ABL2: variants seen among roughly 807,000 people sequenced by gnomAD.
The protein encoded by ABL2 is ABL proto-oncogene 2, non-receptor tyrosine kinase.
ABL2 carries 49 observed loss-of-function variants against 107.7 expected under a neutral mutation model. That is an observed-to-expected ratio of 0.45 (90% CI 0.36 to 0.58). The LOEUF (loss-of-function observed/expected upper bound fraction) is 0.58, where lower values mean the gene tolerates loss of function less well. Ranked by LOEUF, ABL2 falls within the 20% of genes least tolerant of loss-of-function variation. ABL2 has a pLI of 0.00. For missense variants in ABL2, 1,245 were observed against 1,457.0 expected, an observed-to-expected ratio of 0.85 and a Z score of 2.37; for synonymous variants, 549 against 548.6, an observed-to-expected ratio of 1.00 and a Z score of -0.01.
Position 179,101,743 on chromosome 1 carries a change from A to T in ABL2, c.*5975T>A, listed in dbSNP as rs1653107084. 5.4e-6 allele frequency: 1 copy of T among 186,296 alleles called. No homozygotes were observed. The highest frequency in any genetic ancestry group is 8.5e-5 in the East Asian group (1 of 11,698). The allele number at this position is 186,296 out of a possible 1,614,324, so 11.5% of individuals were successfully genotyped here. ...GAGGTGGCATGAAAAGCAGAAATTC[A>T]TCCGTCTGCACATTGCAATAAACTT... On this transcript the variant is annotated 3_prime_UTR_variant, in exon 12 of 12. Transcript: ENST00000502732.
chr1:179,218,355 A>G (rs898188383), intron 1 of ABL2, among the ~76,000 whole-genome samples: 2 of 152,174 alleles, frequency 1.3e-5, no homozygotes, highest in African/African-American at 4.8e-5. Context: ...AGTACATTAC[A>G]TCCTGTTTTC....
chr1:179,229,170 G>GGCCCCCCCCCCCCCCC, intron 1 of ABL2, 71 bp downstream of exon 1: 5 of 266,252 alleles, frequency 1.9e-5, no homozygotes, highest in African/African-American at 3.0e-5. Context: ...CAGCCCGTCC[G>GGCCCCCCCCCCCCCCC]CCACCCACCC....
At chr1:179,164,026 T>A (rs1571228766) in intron 1 of ABL2, among the ~76,000 whole-genome samples, 1 of 152,148 alleles carries the variant, frequency 6.6e-6, no homozygotes, top group Admixed American at 6.6e-5. Flanking sequence ...AACACATCAG[T>A]GGCTGCCAGG....
chr1:179,144,310 A>T (rs1352550684), intron 1 of ABL2, among the ~76,000 whole-genome samples: 1 of 151,934 alleles, frequency 6.6e-6, no homozygotes, highest in Non-Finnish European at 1.5e-5. Flanking sequence ...AATACAAAAA[A>T]TTAGCCCGGC....
At chr1:179,225,246 T>C (rs996574289) in intron 1 of ABL2, among the ~76,000 whole-genome samples, 1 of 152,242 alleles carries the variant, frequency 6.6e-6, no homozygotes, top group Non-Finnish European at 1.5e-5. Flanking sequence ...AGAAAAGTCC[T>C]GGACTCTGAT....
intron 1 of ABL2, among the ~76,000 whole-genome samples, chr1:179,199,731 C>CTTT (rs55794608): frequency 1.1e-4 from 15 of 136,182 alleles, no homozygotes; most frequent in East Asian, 2.1e-4. Context: ...ACACTTTTTC[C>CTTT]TTTTTTTTTT....
intron 1 of ABL2, among the ~76,000 whole-genome samples, chr1:179,159,580 T>C (rs1224305140): frequency 6.6e-6 from 1 of 152,188 alleles, no homozygotes; most frequent in African/African-American, 2.4e-5. Flanking sequence ...TTTTGGTTGT[T>C]TTTGCAACTG....
In ABL2 at chr1:179,107,654, G is replaced by A. The variant is rs1472184055; in HGVS notation, c.*64C>T. ...TCATTTTCTGAAAACAAGAACACAG[G>A]AAAACAAGTCCTTTTCCCTCTCCCC... On this transcript the variant is annotated 3_prime_UTR_variant, in exon 12 of 12. Transcript: ENST00000502732. 12 of 1,525,212 alleles carry A rather than the reference G, an allele frequency of 7.9e-6. No homozygotes were observed. Among genetic ancestry groups the A allele is most frequent in the Non-Finnish European group, 1.1e-5 (12 of 1,138,170 alleles). 94.5% of individuals were successfully genotyped at this position (1,525,212 alleles called of 1,614,324 possible).
intron 1 of ABL2, among the ~76,000 whole-genome samples, chr1:179,135,343 C>T (rs9946572): frequency 2.6e-5 from 4 of 151,542 alleles, no homozygotes; most frequent in African/African-American, 4.9e-5. Flanking sequence ...TCTGCCCGGC[C>T]GCCCATTGTC....
intron 1 of ABL2, chr1:179,143,022 A>G (rs1274347331): frequency 6.2e-7 from 1 of 1,614,194 alleles, no homozygotes; most frequent in Non-Finnish European, 8.5e-7. Flanking sequence ...ATTAGGTGGA[A>G]GGAGAACTGT....
intron 1 of ABL2, chr1:179,201,983 A>G (rs966092824): frequency 4.6e-5 from 48 of 1,054,900 alleles, no homozygotes; most frequent in Middle Eastern, 4.0e-4. Flanking sequence ...TCCGAGGAAC[A>G]GCAGGAGAGG....
At chr1:179,207,570 A>G (rs545523631) in intron 1 of ABL2, among the ~76,000 whole-genome samples, 1 of 152,366 alleles carries the variant, frequency 6.6e-6, no homozygotes, top group East Asian at 1.9e-4. Flanking sequence ...AGTACTTACC[A>G]TTAATCATGC....
rs779985544 is a variant in ABL2, at chr1:179,110,247, T to G, written c.1825+35A>C. On this transcript the variant is annotated intron_variant, in intron 11 of 11. Transcript: ENST00000502732. Reference sequence around the variant, plus strand: ...CCCATGCTTCTTTAAACAAGGCAGTTTCTATTTTGATTCTACCTGCTAAGG... The same window carrying G: ...CCCATGCTTCTTTAAACAAGGCAGTGTCTATTTTGATTCTACCTGCTAAGG... 3.7e-6 allele frequency: 6 copies of G among 1,612,440 alleles called. No homozygotes were observed. In the African/African-American group the frequency reaches 8.0e-5, roughly 22 times the overall value.
chr1:179,142,749 T>C (rs1296973829), intron 1 of ABL2, among the ~76,000 whole-genome samples: 3 of 152,218 alleles, frequency 2.0e-5, no homozygotes, highest in South Asian at 2.1e-4. Flanking sequence ...ATCCATACAT[T>C]CTTCCATTCA....
chr1:179,221,764 T>C lies in ABL2; in HGVS notation c.157+7477A>G, dbSNP rs116615664. 2.0e-3 allele frequency: 473 copies of C among 235,678 alleles called. 3 individuals are homozygous for C. Among genetic ancestry groups the C allele is most frequent in the African/African-American group, 0.01 (443 of 42,716 alleles). 14.6% of individuals were successfully genotyped at this position (235,678 alleles called of 1,614,324 possible). On this transcript the variant is annotated intron_variant, in intron 1 of 11. Transcript: ENST00000502732. ...AAGTTTTTCACAGGTTATCCCCTAA[T>C]TGATAATTATTCCCATAGAGGATTT...
intron 1 of ABL2, among the ~76,000 whole-genome samples, chr1:179,203,560 A>AT (rs1557996557): frequency 1.3e-5 from 2 of 151,952 alleles, no homozygotes; most frequent in Admixed American, 1.3e-4. Flanking sequence ...TTCACTGCAA[A>AT]TAAGAAAAAA....
intron 1 of ABL2, among the ~76,000 whole-genome samples, chr1:179,190,187 G>T (rs1178963805): frequency 6.6e-6 from 1 of 152,006 alleles, no homozygotes; most frequent in South Asian, 2.1e-4. Flanking sequence ...CACAAGTCCA[G>T]GGCTCAGGCC....
intron 1 of ABL2, among the ~76,000 whole-genome samples, chr1:179,209,998 C>T (rs1662176094): frequency 6.6e-6 from 1 of 152,126 alleles, no homozygotes; most frequent in Admixed American, 6.5e-5. Flanking sequence ...ACTCAGCCTC[C>T]CTAGTAGCTA....
chr1:179,226,062 A>T (rs952937882), intron 1 of ABL2, among the ~76,000 whole-genome samples: 1 of 145,914 alleles, frequency 6.9e-6, no homozygotes, highest in Non-Finnish European at 1.5e-5. Context: ...AAAAAAAAAA[A>T]AAAAAAAAGA....
Sources: allele counts gnomAD v4.1 joint callset (sites outside exome capture counted in the v4.1 genomes callset), GRCh38; gene constraint gnomAD v4.1.1; transcripts MANE v1.5; gene names NCBI Gene and HGNC (gene_info 2026-07-23, HGNC 2026-07-21).